Variants in ADAMTSL1 observed in about 807,000 individuals in gnomAD.
The protein encoded by ADAMTSL1 is ADAMTS-like protein 1.
ADAMTSL1 carries 126 observed loss-of-function variants against 201.8 expected under a neutral mutation model. The observed-to-expected ratio is 0.62, with a 90% CI of 0.54 to 0.72. The LOEUF (loss-of-function observed/expected upper bound fraction) is 0.72. Ranked by LOEUF, ADAMTSL1 falls within the 30% of genes least tolerant of loss-of-function variation. The pLI, the probability that ADAMTSL1 is intolerant of heterozygous loss-of-function variation, is 0.00. For synonymous variants in ADAMTSL1, 1,121 were observed against 903.4 expected, an observed-to-expected ratio of 1.24 and a Z score of -4.32; for missense variants, 2,679 against 2,277.8, an observed-to-expected ratio of 1.18 and a Z score of -3.59.
intron 23 of ADAMTSL1, among the ~76,000 whole-genome samples, chr9:18,864,914 GT>G (rs1314120428): frequency 6.6e-6 from 1 of 152,090 alleles, no homozygotes; most frequent in Non-Finnish European, 1.5e-5. Flanking sequence ...CCTATTTCAT[GT>G]CAGTACTTAG....
chr9:18,640,816 G>A (rs12554550), intron 7 of ADAMTSL1, among the ~76,000 whole-genome samples: 5,735 of 151,966 alleles, frequency 0.038, 187 homozygotes, highest in East Asian at 0.1. Flanking sequence ...CTGCGTTAGC[G>A]CAGGCCTTTA....
intron 4 of ADAMTSL1, among the ~76,000 whole-genome samples, chr9:18,577,939 C>G (rs528776625): frequency 4.6e-5 from 7 of 151,826 alleles, no homozygotes; most frequent in African/African-American, 1.7e-4. Flanking sequence ...ATTCTTTGAA[C>G]TGGAGATAGT....
chr9:18,604,758 T>C (rs368538618), intron 4 of ADAMTSL1, among the ~76,000 whole-genome samples: 2 of 152,208 alleles, frequency 1.3e-5, no homozygotes, highest in African/African-American at 2.4e-5. Context: ...TCTGCAATTC[T>C]TGTAGGTAGA....
At chr9:18,263,352 C>A (rs142981727) in intron 2 of ADAMTSL1, among the ~76,000 whole-genome samples, 1 of 152,268 alleles carries the variant, frequency 6.6e-6, no homozygotes, top group African/African-American at 2.4e-5. Flanking sequence ...CTTTCCTGAT[C>A]TTTTCTTTAC....
chr9:18,143,693 T>C (rs1057204882), intron 1 of ADAMTSL1, among the ~76,000 whole-genome samples: 4 of 152,206 alleles, frequency 2.6e-5, no homozygotes, highest in Non-Finnish European at 4.4e-5. Context: ...TTCTGCAAAT[T>C]CTCAAGTGCA....
intron 2 of ADAMTSL1, among the ~76,000 whole-genome samples, chr9:18,293,490 C>T (rs55928170): frequency 0.048 from 7,255 of 152,240 alleles, 250 homozygotes; most frequent in Non-Finnish European, 0.074. Flanking sequence ...GGGCCAGTGC[C>T]GTGGGCCTGC....
chr9:18,370,382 T>C (rs1337357734), intron 2 of ADAMTSL1, among the ~76,000 whole-genome samples: 2 of 152,000 alleles, frequency 1.3e-5, no homozygotes, highest in Admixed American at 6.6e-5. Flanking sequence ...GAGTGATGGG[T>C]TACTAGAAGC....
At chr9:18,118,403 G>A (rs1221679713) in intron 1 of ADAMTSL1, among the ~76,000 whole-genome samples, 1 of 152,196 alleles carries the variant, frequency 6.6e-6, no homozygotes, top group African/African-American at 2.4e-5. Flanking sequence ...CACAGGTCCA[G>A]TGTTTTCCAC....
chr9:18,261,510 GAC>G (rs1202058043), intron 2 of ADAMTSL1, among the ~76,000 whole-genome samples: 1 of 152,170 alleles, frequency 6.6e-6, no homozygotes, highest in Non-Finnish European at 1.5e-5. Context: ...TTCACCCATG[GAC>G]ACATTGCTCT....
intron 2 of ADAMTSL1, among the ~76,000 whole-genome samples, chr9:18,338,557 C>G (rs1272694055): frequency 6.6e-6 from 1 of 152,234 alleles, no homozygotes; most frequent in East Asian, 1.9e-4. Context: ...AGCGATCCTC[C>G]TACCTCAGTC....
intron 10 of ADAMTSL1, among the ~76,000 whole-genome samples, chr9:18,677,846 A>G (rs1276633964): frequency 2.0e-5 from 3 of 151,898 alleles, no homozygotes; most frequent in African/African-American, 4.8e-5. Context: ...ATACTGAACT[A>G]GTTATAAAGA....
intron 13 of ADAMTSL1, among the ~76,000 whole-genome samples, chr9:18,691,544 A>T (rs997399351): frequency 7.9e-5 from 12 of 152,220 alleles, no homozygotes; most frequent in African/African-American, 2.9e-4. Context: ...GATTTTTTTC[A>T]GATGCATTAA....
intron 13 of ADAMTSL1, among the ~76,000 whole-genome samples, chr9:18,693,514 G>A (rs1345925708): frequency 1.3e-5 from 2 of 152,152 alleles, no homozygotes; most frequent in African/African-American, 4.8e-5. Context: ...AATAGGAAGA[G>A]GTTTGTATTT....
At chr9:18,846,176 A>G (rs946484212) in intron 23 of ADAMTSL1, among the ~76,000 whole-genome samples, 4 of 152,366 alleles carry the variant, frequency 2.6e-5, no homozygotes, top group Admixed American at 2.6e-4. Context: ...CTGAGGACAC[A>G]GTAATAAGCC....
intron 2 of ADAMTSL1, among the ~76,000 whole-genome samples, chr9:18,424,502 C>G (rs1057037350): frequency 2.6e-5 from 4 of 152,248 alleles, no homozygotes; most frequent in Middle Eastern, 3.4e-3. Flanking sequence ...AAAACAAGTA[C>G]TATGGGGTAG....
At chr9:18,876,329 T>TGTGTGTGTGC (rs901063156) in intron 23 of ADAMTSL1, among the ~76,000 whole-genome samples, 12 of 151,128 alleles carry the variant, frequency 7.9e-5, no homozygotes, top group Admixed American at 5.9e-4. Flanking sequence ...TGTGTGTGTG[T>TGTGTGTGTGC]GCGTGATTGT....
At chr9:18,895,261 C>A (rs73425214) in intron 26 of ADAMTSL1, among the ~76,000 whole-genome samples, 3,773 of 152,252 alleles carry the variant, frequency 0.025, 143 homozygotes, top group African/African-American at 0.084. Flanking sequence ...AGTCCATGTT[C>A]TCTTATAGAA....
At chr9:18,711,318 A>G (rs1285133355) in intron 14 of ADAMTSL1, among the ~76,000 whole-genome samples, 2 of 152,190 alleles carry the variant, frequency 1.3e-5, no homozygotes, top group African/African-American at 2.4e-5. Flanking sequence ...TGATTTCTGC[A>G]TTTCCATCTG....
Position 17,963,933 on chromosome 9 carries a change from T to C in ADAMTSL1, c.87+57011T>C, listed in dbSNP as rs573783349. Reference sequence around the variant, plus strand: ...CTCACTTTCCAATTCTCCTCAATTATATTTAGCTGTGCCTTTAACATGCTC... The same window carrying C: ...CTCACTTTCCAATTCTCCTCAATTACATTTAGCTGTGCCTTTAACATGCTC... On this transcript the variant is annotated intron_variant, in intron 1 of 29. Transcript: ENST00000680146. 3.9e-5 allele frequency among the ~76,000 whole-genome samples: 6 copies of C among 152,270 alleles called. No individual in the cohort carries two copies. The East Asian group carries it at 9.7e-4, about 25-fold the overall frequency.
Sources: allele counts gnomAD v4.1 joint callset (sites outside exome capture counted in the v4.1 genomes callset), GRCh38; gene constraint gnomAD v4.1.1; transcripts MANE v1.5; gene names NCBI Gene and HGNC (gene_info 2026-07-23, HGNC 2026-07-21).